Variants in SRSF1 observed in about 807,000 individuals in gnomAD.
SRSF1 encodes the protein serine and arginine rich splicing factor 1.
In SRSF1, 1 loss-of-function variant was observed where a neutral mutation model predicts 25.9. The ratio of observed to expected loss-of-function variants is 0.04; its 90% CI spans 0.01 to 0.18. The LOEUF (loss-of-function observed/expected upper bound fraction) is 0.18. Among genes scored for constraint, SRSF1 ranks in the 10% least tolerant of loss-of-function variants. The pLI is 1.00. For synonymous variants in SRSF1, 132 were observed against 126.2 expected (o/e 1.05, Z -0.31); for missense variants, 65 against 350.5 (o/e 0.19, Z 6.50).
At position 58,002,288 on chromosome 17, in the gene SRSF1, T is replaced by C. The variant is rs2075396993; in HGVS notation, c.*3118A>G. 6.6e-6 allele frequency among the ~76,000 whole-genome samples: 1 copy of C among 152,096 alleles called. No homozygotes were observed. Among genetic ancestry groups the C allele is most frequent in the African/African-American group, 2.4e-5 (1 of 41,432 alleles). On this transcript the variant is annotated 3_prime_UTR_variant, in exon 4 of 4. Transcript: ENST00000258962. The stretch of plus-strand genomic sequence containing the variant: ...ATTCTGCATTCAACTTAACATCCCC[T>C]CTTCCCAACATTCCACAACGTTCAT...
rs2075419711 is a variant in SRSF1, at chr17:58,005,325, G to T, written c.*81C>A. On this transcript the variant is annotated 3_prime_UTR_variant, in exon 4 of 4. Coordinates refer to ENST00000258962, the MANE Select transcript of SRSF1 (RefSeq NM_006924.5). This position sits in a 1 kb window ranked among gnomAD's most constrained non-coding sequence, Gnocchi z 5.2. Reference sequence around the variant, plus strand: ...TAGCCCATTCTGAACAAAACAGTTTGAATTAAAAAATGAAAAGATTGTACT... The same window carrying T: ...TAGCCCATTCTGAACAAAACAGTTTTAATTAAAAAATGAAAAGATTGTACT... 3 of 1,486,924 alleles carry T rather than the reference G, an allele frequency of 2.0e-6. No homozygotes were observed. The highest frequency in any genetic ancestry group is 1.2e-5 in the South Asian group (1 of 81,472). 92.1% of individuals were successfully genotyped at this position (1,486,924 alleles called of 1,614,324 possible).
At chr17:57,995,709 A>C in the SRSF1 span, among the ~76,000 whole-genome samples, 3 of 152,176 alleles carry the variant, frequency 2.0e-5, no homozygotes, top group East Asian at 5.8e-4. Flanking sequence ...GGCTGGCTTT[A>C]AAAAGCAACG....
chr17:58,006,067 C>A, intron 2 of SRSF1, 94 bp from the exon 3 acceptor site: 3 of 1,227,252 alleles, frequency 2.4e-6, no homozygotes, highest in South Asian at 2.9e-5. Flanking sequence ...CTTTAAAGTA[C>A]TTAATAGGTG....
the SRSF1 span, chr17:57,993,986 C>G: frequency 6.6e-6 from 1 of 152,182 alleles, no homozygotes; most frequent in Admixed American, 6.5e-5. Flanking sequence ...GTAGTCAACC[C>G]AAGCCAGTGA....
At chr17:58,006,608 C>T in intron 1 of SRSF1, 81 bp from the exon 2 acceptor site, 2 of 1,454,166 alleles carry the variant, frequency 1.4e-6, no homozygotes, top group Non-Finnish European at 1.8e-6. Flanking sequence ...AAACCCCCCG[C>T]ACATGCGCAC....
At position 58,006,345 on chromosome 17, in the gene SRSF1, G is replaced by A. The variant is rs1249504006; in HGVS notation, c.377C>T (p.Ser126Phe). The A allele has an allele frequency of 1.2e-6, 2 of 1,611,042 alleles. No homozygotes were observed. The highest frequency in any genetic ancestry group is 1.1e-5 in the South Asian group (1 of 90,958). The change falls in exon 2 of 4, where the codon TCT becomes TTT. Residue 126 changes from serine to phenylalanine, a missense_variant and splice_region_variant. By Grantham distance (155) the Ser-to-Phe change is radical. Coordinates refer to ENST00000258962, the MANE Select transcript of SRSF1 (RefSeq NM_006924.5). ...SRRSENRVVV[S>F]GLPPSGSWQD... is the part of the protein sequence containing the mutation. ...ATCCACACAACCAGTACACTCACCA[G>A]AGACAACCACTCTGTTTTCAGACCG...
rs1456506725 is a variant in SRSF1, at chr17:58,003,543, T to C, written c.*1863A>G. The C allele has an allele frequency of 6.6e-6, 1 of 152,236 alleles. No homozygotes were observed. The highest frequency in any genetic ancestry group is 1.5e-5 in the Non-Finnish European group (1 of 68,046). 9.4% of individuals were successfully genotyped at this position (152,236 alleles called of 1,614,324 possible). A position where few individuals can be genotyped will look rare whatever the true frequency, so the allele number is the denominator to read the frequency against. ...TTCAAAGAAAACGGCAATAGCCAAT[T>C]GGAAACCTACTTATTCTTCAACTCC... On this transcript the variant is annotated 3_prime_UTR_variant, in exon 4 of 4. Transcript: ENST00000258962.
At chr17:57,993,529 G>C in the SRSF1 span, 6 of 152,250 alleles carry the variant, frequency 3.9e-5, no homozygotes, top group Non-Finnish European at 7.3e-5. Flanking sequence ...TCTTTAAGCT[G>C]TGAATAACAC....
At chr17:57,997,195 A>T (rs1315946036), downstream of SRSF1, among the ~76,000 whole-genome samples, 1 of 152,238 alleles carries the variant, frequency 6.6e-6, no homozygotes, top group Non-Finnish European at 1.5e-5. Flanking sequence ...AATTGGTCTT[A>T]CTTTGCAAGA....
At chr17:57,990,553 AC>A in the SRSF1 span, 1 of 152,166 alleles carries the variant, frequency 6.6e-6, no homozygotes, top group Non-Finnish European at 1.5e-5. Context: ...CTCCATCCTT[AC>A]CTAGAAGGGG....
chr17:58,001,324 G>A lies in SRSF1; in HGVS notation c.*4082C>T, dbSNP rs1265758893. 6.6e-6 allele frequency among the ~76,000 whole-genome samples: 1 copy of A among 152,102 alleles called. No homozygotes were observed. The highest frequency in any genetic ancestry group is 1.5e-5 in the Non-Finnish European group (1 of 68,000). ...TTAAACGCAAGCACTATGATGCACAGACGTGAGCACTGAATATTTACTAAA... is the reference window on the plus strand; with the variant it reads ...TTAAACGCAAGCACTATGATGCACAAACGTGAGCACTGAATATTTACTAAA... On this transcript the variant is annotated 3_prime_UTR_variant, in exon 4 of 4. Coordinates refer to ENST00000258962, the MANE Select transcript of SRSF1 (RefSeq NM_006924.5).
At chr17:57,996,322 A>G (rs1331611585), downstream of SRSF1, among the ~76,000 whole-genome samples, 1 of 151,954 alleles carries the variant, frequency 6.6e-6, no homozygotes, top group African/African-American at 2.4e-5. Flanking sequence ...GTCTCTACTA[A>G]AAATACAAAA....
At chr17:57,998,364 TA>T (rs2075372868), downstream of SRSF1, among the ~76,000 whole-genome samples, 4 of 152,184 alleles carry the variant, frequency 2.6e-5, no homozygotes, top group Non-Finnish European at 4.4e-5. Context: ...CCTATAATCT[TA>T]TGTATTAAGC....
the SRSF1 span, chr17:57,994,458 A>G: frequency 6.6e-6 from 1 of 152,220 alleles, no homozygotes; most frequent in African/African-American, 2.4e-5. Context: ...TGATCTCCTT[A>G]AAAATGGCTT....
chr17:57,994,908 G>A, the SRSF1 span: 1 of 152,182 alleles, frequency 6.6e-6, no homozygotes, highest in Non-Finnish European at 1.5e-5. Context: ...TACTGTCACT[G>A]GGGATACTTC....
At chr17:57,989,516 A>G in the SRSF1 span, 4 of 397,566 alleles carry the variant, frequency 1.0e-5, no homozygotes, top group Non-Finnish European at 1.8e-5. Flanking sequence ...AACTTCCCCC[A>G]TAGACAATAA....
At position 58,005,681 on chromosome 17, in the gene SRSF1, TA is replaced by T; in HGVS notation, c.553-82del. ...ACATGCTGAATGAATACAATGTAAC[TA>T]AAACCAGAAATCTGGCAATTTACTT... On this transcript the variant is annotated intron_variant, in intron 3 of 3. Coordinates refer to ENST00000258962, the MANE Select transcript of SRSF1 (RefSeq NM_006924.5). The surrounding 1 kb of genome is among the most constrained non-coding windows in gnomAD (Gnocchi z 5.2). The T allele has an allele frequency of 6.2e-7, 1 of 1,607,858 alleles. No individual in the cohort carries two copies. Among genetic ancestry groups the T allele is most frequent in the East Asian group, 2.2e-5 (1 of 44,812 alleles).
the SRSF1 span, chr17:57,989,355 G>A: frequency 5.0e-6 from 2 of 398,540 alleles, no homozygotes; most frequent in African/African-American, 2.1e-5. Flanking sequence ...GGGGCAGGCT[G>A]TATCAGTGAT....
the SRSF1 span, chr17:57,994,433 T>C: frequency 6.6e-6 from 1 of 152,244 alleles, no homozygotes; most frequent in Non-Finnish European, 1.5e-5. Flanking sequence ...AGGGTAGGTT[T>C]GGAGTTTGTT....
Sources: gnomAD v4.1 joint callset for allele counts (sites outside exome capture counted in the v4.1 genomes callset) on GRCh38, gnomAD v4.1.1 for gene constraint, Gnocchi (gnomAD v3.1) non-coding constraint, MANE v1.5 for transcripts, NCBI Gene and HGNC (gene_info 2026-07-23, HGNC 2026-07-21) for gene names.